The following KLRG1 variants were observed in gnomAD, a reference collection of about 807,000 sequenced individuals.
KLRG1 encodes the protein killer cell lectin like receptor G1, also known as killer cell lectin-like receptor subfamily G member 1.
Under a neutral mutation model 21.8 loss-of-function variants are expected in KLRG1, and 16 were observed. The observed-to-expected ratio is 0.73, with a 90% confidence interval of 0.50 to 1.11. KLRG1 has a LOEUF of 1.11. KLRG1 is among the 50% of genes most tolerant of loss of function. KLRG1 has a pLI of 0.00. For missense variants in KLRG1, 173 were observed against 218.3 expected (o/e 0.79, Z 1.31); for synonymous variants, 69 against 75.9 (o/e 0.91, Z 0.47).
At chr12:9,070,343 A>G in the KLRG1 span, 1 of 641,276 alleles carries the variant, frequency 1.6e-6, no homozygotes, top group Admixed American at 2.6e-5. Context: ...ATACAAACAC[A>G]TGTGATTATA....
chr12:9,044,135 A>G, the KLRG1 span, among the ~76,000 whole-genome samples: 1 of 152,252 alleles, frequency 6.6e-6, no homozygotes, highest in African/African-American at 2.4e-5. Context: ...TAACAGATAA[A>G]TGAAGCAGAT....
At chr12:9,090,127 T>C in the KLRG1 span, 14 of 1,495,396 alleles carry the variant, frequency 9.4e-6, no homozygotes, top group Non-Finnish European at 1.3e-5. Context: ...TTTGTTTTAT[T>C]AAAACACAGA....
chr12:9,131,279 G>A, the KLRG1 span, among the ~76,000 whole-genome samples: 24 of 152,178 alleles, frequency 1.6e-4, no homozygotes, highest in South Asian at 4.2e-4. Flanking sequence ...TCGAGATTCC[G>A]TATGAATTTG....
the KLRG1 span, among the ~76,000 whole-genome samples, chr12:9,161,696 T>A: frequency 6.6e-6 from 1 of 152,218 alleles, no homozygotes; most frequent in Non-Finnish European, 1.5e-5. Context: ...TGAATATACC[T>A]TAAATTAGTC....
the KLRG1 span, chr12:9,160,547 T>C: frequency 6.5e-7 from 1 of 1,528,282 alleles, no homozygotes; most frequent in South Asian, 1.2e-5. Context: ...ATAGCCAACA[T>C]TATTAACAAA....
At chr12:9,148,830 C>G in the KLRG1 span, 1 of 667,078 alleles carries the variant, frequency 1.5e-6, no homozygotes, top group Non-Finnish European at 2.6e-6. Context: ...ATGAATGATG[C>G]AACAAGTGAT....
chr12:9,029,518 T>C, the KLRG1 span, among the ~76,000 whole-genome samples: 13,206 of 152,154 alleles, frequency 0.087, 934 homozygotes, highest in African/African-American at 0.19. Context: ...TACACTGTTA[T>C]TAACTACAGT....
the KLRG1 span, among the ~76,000 whole-genome samples, chr12:9,123,360 A>T: frequency 6.6e-6 from 1 of 152,190 alleles, no homozygotes; most frequent in Non-Finnish European, 1.5e-5. Flanking sequence ...ACAATATGCC[A>T]ACATCACTAC....
At chr12:9,080,074 A>T in the KLRG1 span, 2 of 1,527,722 alleles carry the variant, frequency 1.3e-6, no homozygotes, top group Non-Finnish European at 1.8e-6. Flanking sequence ...GCCCGGATCC[A>T]CTAGGGGCTG....
At chr12:9,135,867 T>G in the KLRG1 span, among the ~76,000 whole-genome samples, 3 of 152,224 alleles carry the variant, frequency 2.0e-5, no homozygotes, top group Non-Finnish European at 4.4e-5. Context: ...ATACTTAAAT[T>G]TTTACATCAA....
chr12:9,000,552 T>C (rs1267233545), intron 3 of KLRG1, among the ~76,000 whole-genome samples: 1 of 152,186 alleles, frequency 6.6e-6, no homozygotes. Context: ...GCTCTGTACC[T>C]CTTAAACAAT....
the KLRG1 span, among the ~76,000 whole-genome samples, chr12:9,035,619 C>T: frequency 8.6e-5 from 13 of 151,508 alleles, no homozygotes; most frequent in African/African-American, 3.1e-4. Context: ...GACAGAACTA[C>T]CATTCAACTC....
At chr12:9,196,114 A>C in the KLRG1 span, among the ~76,000 whole-genome samples, 1 of 152,226 alleles carries the variant, frequency 6.6e-6, no homozygotes, top group South Asian at 2.1e-4. Flanking sequence ...TATTAGCTAC[A>C]TATTAAAATA....
intron 1 of KLRG1, among the ~76,000 whole-genome samples, chr12:8,991,020 G>A (rs1448477869): frequency 6.6e-6 from 1 of 151,980 alleles, no homozygotes; most frequent in East Asian, 1.9e-4. Context: ...TCTTTAAGAA[G>A]TTCAGAATAC....
intron 1 of KLRG1, among the ~76,000 whole-genome samples, chr12:8,953,991 G>A (rs997522696): frequency 2.0e-5 from 3 of 152,180 alleles, no homozygotes; most frequent in Non-Finnish European, 4.4e-5. Context: ...GAGAAGTTGC[G>A]GGAGGGTGTG....
At chr12:9,199,971 T>G in the KLRG1 span, among the ~76,000 whole-genome samples, 1 of 152,208 alleles carries the variant, frequency 6.6e-6, no homozygotes, top group African/African-American at 2.4e-5. Flanking sequence ...TGAAGATACT[T>G]GACTGTAAAC....
the KLRG1 span, chr12:9,068,715 C>A: frequency 3.3e-6 from 5 of 1,524,362 alleles, no homozygotes; most frequent in East Asian, 1.2e-4. Context: ...TTAAATATTT[C>A]TACGTGAAAA....
At chr12:9,148,958 A>G in the KLRG1 span, 1 of 1,604,674 alleles carries the variant, frequency 6.2e-7, no homozygotes, top group Non-Finnish European at 8.5e-7. Flanking sequence ...CAAAATATAC[A>G]GCCTGTATGG....
At chr12:9,074,528 G>T in the KLRG1 span, 1 of 1,554,632 alleles carries the variant, frequency 6.4e-7, no homozygotes, top group South Asian at 1.2e-5. Context: ...GCTACCTGAA[G>T]GTGAAATAAA....
Sources: gnomAD v4.1 joint callset for allele counts (sites outside exome capture counted in the v4.1 genomes callset) on GRCh38, gnomAD v4.1.1 for gene constraint, MANE v1.5 for transcripts, NCBI Gene and HGNC (gene_info 2026-07-23, HGNC 2026-07-21) for gene names.